The following RBPJ variants were observed in gnomAD, a reference collection of about 807,000 sequenced individuals.
RBPJ encodes recombination signal binding protein for immunoglobulin kappa J region.
A neutral mutation model predicts 67.8 loss-of-function variants in RBPJ; 9 were observed. The observed-to-expected ratio is 0.13, with a 90% confidence interval of 0.08 to 0.23. The LOEUF (loss-of-function observed/expected upper bound fraction) is 0.23. Among genes scored for constraint, RBPJ ranks in the 10% least tolerant of loss-of-function variants. The pLI, the probability that RBPJ is intolerant of heterozygous loss-of-function variation, is 1.00. For missense variants in RBPJ, 305 were observed against 595.6 expected (o/e 0.51, Z 5.08); for synonymous variants, 198 against 203.3 (o/e 0.97, Z 0.22).
At chr4:26,173,929 A>C (rs1034903865) in intron 1 of RBPJ, among the ~76,000 whole-genome samples, 2 of 152,192 alleles carry the variant, frequency 1.3e-5, no homozygotes, top group African/African-American at 4.8e-5. Flanking sequence ...AGGTGTGTAC[A>C]AAGTACCGTA....
chr4:26,245,491 G>T (rs1270145318), intron 1 of RBPJ, among the ~76,000 whole-genome samples: 1 of 152,182 alleles, frequency 6.6e-6, no homozygotes, highest in African/African-American at 2.4e-5. Context: ...ACAGGCGTGA[G>T]ACACTGCACC....
chr4:26,338,877 G>C (rs867260528), intron 1 of RBPJ, among the ~76,000 whole-genome samples: 1 of 151,398 alleles, frequency 6.6e-6, no homozygotes, highest in Middle Eastern at 3.4e-3. Context: ...AGTTGGGTGT[G>C]TGTGTGTGTG....
At chr4:26,396,353 G>C (rs1485215305) in intron 2 of RBPJ, among the ~76,000 whole-genome samples, 1 of 152,180 alleles carries the variant, frequency 6.6e-6, no homozygotes, top group African/African-American at 2.4e-5. Flanking sequence ...CATCTTGAGG[G>C]AATAAGAGAA....
rs543097674 is a variant in RBPJ at position 26,430,649 on chromosome 4, T to C, written c.1149-43T>C. 1.3e-6 allele frequency: 2 copies of C among 1,594,112 alleles called. No individual in the cohort carries two copies. The highest frequency in any genetic ancestry group is 1.7e-5 in the Admixed American group (1 of 58,950). ...TAAGTCTCATTTTTAACATGTACTT[T>C]GCTTTTTAAAGTGTTTTTAAGTGAT... On this transcript the variant is annotated intron_variant, in intron 10 of 10. Coordinates refer to ENST00000355476, the MANE Select transcript of RBPJ (RefSeq NM_015874.6). This position sits in a 1 kb window ranked among gnomAD's most constrained non-coding sequence, Gnocchi z 4.1.
Position 26,434,875 on chromosome 4 carries a change from C to T in RBPJ, c.*3868C>T, listed in dbSNP as rs1432016214. The T allele has an allele frequency of 2.0e-5, 3 of 152,228 alleles. No homozygotes were observed. Among genetic ancestry groups the T allele is most frequent in the Middle Eastern group, 3.4e-3 (1 of 294 alleles). 9.4% of individuals were successfully genotyped at this position (152,228 alleles called of 1,614,324 possible). ...TTTCATCCGTGAAAAACTTGCAATA[C>T]GAGCAGTTTCAAGGAATAAATAAAA... On this transcript the variant is annotated 3_prime_UTR_variant, in exon 11 of 11. Transcript: ENST00000355476.
intron 1 of RBPJ, among the ~76,000 whole-genome samples, chr4:26,173,057 T>C (rs1716651520): frequency 6.6e-6 from 1 of 152,186 alleles, no homozygotes; most frequent in Admixed American, 6.5e-5. Context: ...GGGAATTTTG[T>C]TGAGTGAGCA....
intron 1 of RBPJ, among the ~76,000 whole-genome samples, chr4:26,224,891 C>T (rs2109196183): frequency 6.6e-6 from 1 of 152,248 alleles, no homozygotes; most frequent in South Asian, 2.1e-4. Flanking sequence ...AATTCCTGTC[C>T]CATCTGGTCT....
chr4:26,218,026 T>C (rs1468433507), intron 1 of RBPJ, among the ~76,000 whole-genome samples: 2 of 152,208 alleles, frequency 1.3e-5, no homozygotes, highest in Non-Finnish European at 2.9e-5. Flanking sequence ...AGCAGGACCG[T>C]CTTGCTAGGA....
rs1046270996 is a variant in RBPJ at position 26,326,136 on chromosome 4, TTGTG to T, written c.20+5095_20+5098del. ...TGGTTCATGTGGCACAATTTTAAAA[TTGTG>T]TGTGTGCTTGTGTGTATACAGTATA... On this transcript the variant is annotated intron_variant, in intron 1 of 10. Coordinates refer to ENST00000355476, the MANE Select transcript of RBPJ (RefSeq NM_015874.6). Among the ~76,000 whole-genome samples the T allele has an allele frequency of 4.6e-5, 7 of 152,118 alleles. No homozygotes were observed. The East Asian group carries it at 1.2e-3, about 25-fold the overall frequency.
intron 2 of RBPJ, among the ~76,000 whole-genome samples, chr4:26,394,151 G>A (rs3113019): frequency 0.56 from 84,392 of 151,304 alleles, 23,693 homozygotes; most frequent in Admixed American, 0.65. Context: ...CTCAGCCTCC[G>A]GAGTAGCTGG....
At chr4:26,139,873 ACT>A in the RBPJ span, among the ~76,000 whole-genome samples, 5 of 151,872 alleles carry the variant, frequency 3.3e-5, no homozygotes, top group African/African-American at 1.2e-4. Context: ...TTTTAAGAAG[ACT>A]CTATATTCTA....
chr4:26,155,973 A>G, the RBPJ span, among the ~76,000 whole-genome samples: 1 of 152,206 alleles, frequency 6.6e-6, no homozygotes, highest in Admixed American at 6.5e-5. Context: ...AACATACATC[A>G]CTGAGAGGCA....
At chr4:26,140,049 G>A in the RBPJ span, among the ~76,000 whole-genome samples, 11 of 152,206 alleles carry the variant, frequency 7.2e-5, no homozygotes, top group East Asian at 1.4e-3. Flanking sequence ...TCTTGCATAC[G>A]TTCTCCAACC....
intron 3 of RBPJ, among the ~76,000 whole-genome samples, chr4:26,411,756 C>T (rs149853079): frequency 9.8e-4 from 149 of 152,182 alleles, no homozygotes; most frequent in African/African-American, 3.3e-3. Flanking sequence ...AAAACCAGCA[C>T]TACTCATTCT....
intron 1 of RBPJ, among the ~76,000 whole-genome samples, chr4:26,207,459 A>G (rs1361887828): frequency 6.6e-6 from 1 of 152,136 alleles, no homozygotes; most frequent in African/African-American, 2.4e-5. Context: ...TAGCTGATGG[A>G]TGGATCGATT....
At chr4:26,205,994 C>T (rs1013300334) in intron 1 of RBPJ, among the ~76,000 whole-genome samples, 7 of 105,492 alleles carry the variant, frequency 6.6e-5, no homozygotes, top group Non-Finnish European at 1.0e-4. Context: ...ATGATATATG[C>T]GTATTTTTTT....
chr4:26,292,496 C>T (rs989420487), intron 1 of RBPJ, among the ~76,000 whole-genome samples: 2 of 150,480 alleles, frequency 1.3e-5, no homozygotes, highest in Non-Finnish European at 3.0e-5. Flanking sequence ...TCTCGGCTCA[C>T]TGCAACCTCT....
chr4:26,314,411 G>C (rs1186505280), intron 1 of RBPJ, among the ~76,000 whole-genome samples: 1 of 152,126 alleles, frequency 6.6e-6, no homozygotes. Context: ...TTTGCCAAAT[G>C]GTTTCTGATA....
chr4:26,381,369 T>A (rs963295917), intron 1 of RBPJ, among the ~76,000 whole-genome samples: 2 of 152,060 alleles, frequency 1.3e-5, no homozygotes, highest in African/African-American at 4.8e-5. Context: ...GATTGGAGGA[T>A]ATGTGGGAAC....
Sources: allele counts gnomAD v4.1 joint callset (sites outside exome capture counted in the v4.1 genomes callset), GRCh38; gene constraint gnomAD v4.1.1; non-coding constraint Gnocchi (gnomAD v3.1); transcripts MANE v1.5; gene names NCBI Gene and HGNC (gene_info 2026-07-23, HGNC 2026-07-21).